The following PCLO variants were observed in gnomAD, a reference collection of about 807,000 sequenced individuals.
The protein encoded by PCLO is piccolo presynaptic cytomatrix protein, also known as protein piccolo.
In PCLO, 82 loss-of-function variants were observed where a neutral mutation model predicts 427.5. The observed-to-expected ratio is 0.19, with a 90% confidence interval of 0.16 to 0.23. PCLO has a LOEUF of 0.23. Among genes scored for constraint, PCLO ranks in the 10% least tolerant of loss-of-function variants. The pLI, the probability that PCLO is intolerant of heterozygous loss-of-function variation, is 1.00. For missense variants in PCLO, 6,239 were observed against 6,115.9 expected, an observed-to-expected ratio of 1.02 and a Z score of -0.67; for synonymous variants, 2,357 against 2,155.4, an observed-to-expected ratio of 1.09 and a Z score of -2.59.
chr7:82,990,353 G>A, intron 3 of PCLO, among the ~76,000 whole-genome samples: 1 of 152,126 alleles, frequency 6.6e-6, no homozygotes, highest in East Asian at 1.9e-4. Flanking sequence ...TCAAGGACAA[G>A]ATGGATTTTT....
intron 2 of PCLO, among the ~76,000 whole-genome samples, chr7:83,137,443 T>C (rs6946839): frequency 0.19 from 29,131 of 151,684 alleles, 2,958 homozygotes; most frequent in African/African-American, 0.25. Context: ...TTCATTCATT[T>C]ATTTAGAGAT....
At position 83,055,943 on chromosome 7, in the gene PCLO, G is replaced by T. The variant is rs549971092; in HGVS notation, c.3300+78307C>A. Among the ~76,000 whole-genome samples the T allele has an allele frequency of 7.2e-5, 11 of 152,166 alleles. 1 individual carries two copies. In the East Asian group the frequency reaches 2.1e-3, roughly 29 times the overall value. ...GTGGGTGCTGCTATGATCTGCACAG[G>T]TAGAGATGTTTTAATACATAGTTTA... On this transcript the variant is annotated intron_variant, in intron 3 of 24. Coordinates refer to ENST00000333891, the MANE Select transcript of PCLO (RefSeq NM_033026.6).
intron 3 of PCLO, among the ~76,000 whole-genome samples, chr7:83,114,977 A>T (rs530639232): frequency 6.6e-6 from 1 of 152,158 alleles, no homozygotes; most frequent in East Asian, 1.9e-4. Flanking sequence ...TTCTGCATCA[A>T]TGTGATTTTT....
intron 13 of PCLO, among the ~76,000 whole-genome samples, chr7:82,843,715 G>C (rs932317731): frequency 6.8e-6 from 1 of 146,718 alleles, no homozygotes. Flanking sequence ...CCTCCGGCTA[G>C]AGTGCAGTGG....
intron 9 of PCLO, among the ~76,000 whole-genome samples, chr7:82,886,618 T>C (rs1208592283): frequency 2.0e-5 from 3 of 152,158 alleles, no homozygotes; most frequent in Admixed American, 6.5e-5. Flanking sequence ...TCAAAATCAA[T>C]TTGCCTTCGG....
intron 3 of PCLO, among the ~76,000 whole-genome samples, chr7:83,130,150 T>G (rs1791534520): frequency 6.6e-6 from 1 of 152,080 alleles, no homozygotes; most frequent in Admixed American, 6.5e-5. Context: ...TTGTTGTTGT[T>G]GTTGTTGTTG....
At chr7:82,774,896 T>A (rs1373260028) in intron 22 of PCLO, among the ~76,000 whole-genome samples, 1 of 152,220 alleles carries the variant, frequency 6.6e-6, no homozygotes, top group Non-Finnish European at 1.5e-5. Flanking sequence ...TTCTGCCTAT[T>A]CATTCCTTCT....
chr7:83,135,352 G>A lies in PCLO; in HGVS notation c.2198C>T (p.Ala733Val), dbSNP rs1330342222. The A allele has an allele frequency of 1.2e-6, 2 of 1,613,930 alleles. No homozygotes were observed. Among genetic ancestry groups the A allele is most frequent in the Non-Finnish European group, 8.5e-7 (1 of 1,179,874 alleles). The part of the protein sequence containing the change: ...PPEADSLSKP[A>V]PPKEPSVPSE... Reference sequence around the variant, plus strand: ...TGGGACAGAAGGTTCTTTGGGAGGGGCTGGCTTGGACAAAGAATCTGCCTC... The same window carrying A: ...TGGGACAGAAGGTTCTTTGGGAGGGACTGGCTTGGACAAAGAATCTGCCTC... Residue 733 changes from alanine (A) to valine (V), a missense_variant, in exon 3 of 25, where the codon GCC becomes GTC. Ala to Val is a moderately conservative substitution (Grantham distance 64). This residue lies in a region of PCLO where 4,677 missense variants were observed against 4,468.4 expected (regional missense o/e 1.05). Coordinates refer to ENST00000333891, the MANE Select transcript of PCLO (RefSeq NM_033026.6).
intron 3 of PCLO, among the ~76,000 whole-genome samples, chr7:82,983,044 T>A (rs1238966556): frequency 6.6e-6 from 1 of 151,734 alleles, no homozygotes; most frequent in Admixed American, 6.6e-5. Context: ...AGGTAAAAGT[T>A]ACCTAGTAAA....
At chr7:83,000,919 T>A (rs1284725009) in intron 3 of PCLO, among the ~76,000 whole-genome samples, 4 of 152,062 alleles carry the variant, frequency 2.6e-5, no homozygotes, top group Non-Finnish European at 4.4e-5. Flanking sequence ...TAGGTTACTG[T>A]CAATTCATTT....
At position 82,993,364 on chromosome 7, in the gene PCLO, A is replaced by G. The variant is rs546560218; in HGVS notation, c.3301-26877T>C. On this transcript the variant is annotated intron_variant, in intron 3 of 24. Transcript: ENST00000333891. The stretch of plus-strand genomic sequence containing the variant: ...TTGCTATGAATCTGCAACACAAGGA[A>G]CTAAGCTGACATGTTTTGTTTCATA... Among the ~76,000 whole-genome samples, 44 of 152,154 alleles carry G rather than the reference A, an allele frequency of 2.9e-4. 2 individuals carry two copies. In the South Asian group the frequency reaches 8.5e-3, roughly 29 times the overall value.
chr7:82,927,126 A>G (rs1458553456), intron 6 of PCLO, among the ~76,000 whole-genome samples: 1 of 152,174 alleles, frequency 6.6e-6, no homozygotes, highest in Non-Finnish European at 1.5e-5. Flanking sequence ...CTCTAACAAG[A>G]GACTGCTTTA....
At chr7:83,146,833 C>T (rs1792007762) in intron 2 of PCLO, among the ~76,000 whole-genome samples, 1 of 152,012 alleles carries the variant, frequency 6.6e-6, no homozygotes, top group African/African-American at 2.4e-5. Flanking sequence ...AACTCCTGAC[C>T]TCAGATGATC....
At chr7:82,990,999 A>G (rs1461809053) in intron 3 of PCLO, among the ~76,000 whole-genome samples, 2 of 152,158 alleles carry the variant, frequency 1.3e-5, no homozygotes, top group Non-Finnish European at 2.9e-5. Context: ...AGTAATATTT[A>G]CTCAAGTTCA....
intron 22 of PCLO, among the ~76,000 whole-genome samples, chr7:82,762,781 T>C (rs1790457930): frequency 6.6e-6 from 1 of 152,036 alleles, no homozygotes; most frequent in Non-Finnish European, 1.5e-5. Context: ...CTGCATTCTC[T>C]TTCTTTCGCT....
chr7:83,033,500 A>C (rs909874746), intron 3 of PCLO, among the ~76,000 whole-genome samples: 1 of 152,104 alleles, frequency 6.6e-6, no homozygotes, highest in South Asian at 2.1e-4. Flanking sequence ...CCTTTTCTTT[A>C]GCCTAGAATA....
intron 10 of PCLO, among the ~76,000 whole-genome samples, chr7:82,870,784 G>C (rs1347621885): frequency 6.6e-6 from 1 of 151,870 alleles, no homozygotes; most frequent in Admixed American, 6.6e-5. Context: ...ATGAGCAAAA[G>C]ATCTGAATAT....
intron 10 of PCLO, among the ~76,000 whole-genome samples, chr7:82,877,861 AG>A (rs1793411746): frequency 6.6e-6 from 1 of 152,024 alleles, no homozygotes; most frequent in African/African-American, 2.4e-5. Context: ...TAGTAGAGAC[AG>A]GGTTTCTCCA....
At chr7:82,849,919 C>T (rs894759760) in intron 10 of PCLO, among the ~76,000 whole-genome samples, 3 of 152,044 alleles carry the variant, frequency 2.0e-5, no homozygotes, top group Admixed American at 6.6e-5. Context: ...ATTTTCTTTA[C>T]ATTTAAATTA....
Sources: allele counts gnomAD v4.1 joint callset (sites outside exome capture counted in the v4.1 genomes callset), GRCh38; gene constraint gnomAD v4.1.1; regional missense constraint gnomAD v4.1.1; transcripts MANE v1.5; gene names NCBI Gene and HGNC (gene_info 2026-07-23, HGNC 2026-07-21).